The following RIMS1 variants were observed in gnomAD, a reference collection of about 807,000 sequenced individuals.
RIMS1 encodes the protein regulating synaptic membrane exocytosis 1.
In RIMS1, 83 loss-of-function variants were observed where a neutral mutation model predicts 214.1. That is an observed-to-expected ratio of 0.39 (90% CI 0.32 to 0.47). RIMS1 has a LOEUF of 0.47. Ranked by LOEUF, RIMS1 falls within the 20% of genes least tolerant of loss-of-function variation. The pLI is 0.99. For synonymous variants in RIMS1, 793 were observed against 786.8 expected, an observed-to-expected ratio of 1.01 and a Z score of -0.13; for missense variants, 2,050 against 2,161.8, an observed-to-expected ratio of 0.95 and a Z score of 1.03.
chr6:72,141,072 A>G (rs1311432655), intron 4 of RIMS1, among the ~76,000 whole-genome samples: 2 of 152,018 alleles, frequency 1.3e-5, no homozygotes, highest in Non-Finnish European at 2.9e-5. Context: ...ATGACTTCCA[A>G]TATTTCCAAC....
intron 2 of RIMS1, among the ~76,000 whole-genome samples, chr6:72,016,795 CAA>C (rs1812905773): frequency 6.6e-6 from 1 of 152,008 alleles, no homozygotes; most frequent in Non-Finnish European, 1.5e-5. Context: ...TATGTGAACA[CAA>C]AGTAGATGAT....
At chr6:71,968,398 C>T (rs118114857) in intron 1 of RIMS1, among the ~76,000 whole-genome samples, 399 of 151,634 alleles carry the variant, frequency 2.6e-3, no homozygotes, top group Non-Finnish European at 4.5e-3. Context: ...TTGGAGGTAT[C>T]TTTTCTTCTT....
At chr6:71,941,342 T>A (rs997752531) in intron 1 of RIMS1, among the ~76,000 whole-genome samples, 2 of 152,222 alleles carry the variant, frequency 1.3e-5, no homozygotes, top group Non-Finnish European at 2.9e-5. Flanking sequence ...TTGCTAGTTA[T>A]ACACATTTGT....
chr6:72,261,955 C>T, intron 19 of RIMS1: 8 of 984,342 alleles, frequency 8.1e-6, no homozygotes, highest in Non-Finnish European at 8.4e-6. Context: ...ATTACTTGTT[C>T]TTGACAAACA....
intron 4 of RIMS1, among the ~76,000 whole-genome samples, chr6:72,166,025 A>C (rs937067227): frequency 6.6e-6 from 1 of 152,168 alleles, no homozygotes; most frequent in African/African-American, 2.4e-5. Context: ...GGGTAGCTTA[A>C]ATAACGTAAA....
chr6:72,202,321 C>T (rs1589042408), intron 6 of RIMS1, among the ~76,000 whole-genome samples: 1 of 152,206 alleles, frequency 6.6e-6, no homozygotes, highest in East Asian at 1.9e-4. Flanking sequence ...AGGGTTGGTT[C>T]CTTTGGAGGA....
At chr6:72,079,134 TA>T (rs1439657385) in intron 2 of RIMS1, among the ~76,000 whole-genome samples, 4 of 152,152 alleles carry the variant, frequency 2.6e-5, no homozygotes, top group African/African-American at 9.7e-5. Flanking sequence ...GTACATGGAC[TA>T]AAAAGGTATG....
chr6:72,178,523 C>A (rs1388583097), intron 4 of RIMS1, among the ~76,000 whole-genome samples: 1 of 151,996 alleles, frequency 6.6e-6, no homozygotes, highest in Non-Finnish European at 1.5e-5. Context: ...AAAAGGAAGC[C>A]TAGAGTTTGG....
intron 1 of RIMS1, among the ~76,000 whole-genome samples, chr6:71,954,871 C>CACA (rs1554153800): frequency 1.4e-5 from 2 of 147,308 alleles, no homozygotes; most frequent in African/African-American, 5.0e-5. Context: ...CACACACACT[C>CACA]CACACACACA....
rs1334799674 is a variant in RIMS1 at position 72,196,377 on chromosome 6, G to GTTTGTCTGTCTATCTA, written c.1678+13229_1678+13230insTTGTCTGTCTATCTAT. On this transcript the variant is annotated intron_variant, in intron 6 of 33. Coordinates refer to ENST00000521978, the MANE Select transcript of RIMS1 (RefSeq NM_014989.7). ...TGTCTGTCTGTCTGTCTGTCTGTCT[G>GTTTGTCTGTCTATCTA]TCTATCTATCTATCTATCTATCTAT... Among the ~76,000 whole-genome samples, 65 of 144,084 alleles carry GTTTGTCTGTCTATCTA rather than the reference G, an allele frequency of 4.5e-4. 1 individual carries two copies. Among genetic ancestry groups the GTTTGTCTGTCTATCTA allele is most frequent in the Non-Finnish European group, 6.2e-4 (41 of 66,476 alleles). 94.5% of individuals were successfully genotyped at this position (144,084 alleles called of 152,430 possible). A position where few individuals can be genotyped will look rare whatever the true frequency, so the allele number is the denominator to read the frequency against.
At chr6:72,213,029 A>G in intron 6 of RIMS1, 1 of 1,517,576 alleles carries the variant, frequency 6.6e-7, no homozygotes, top group Non-Finnish European at 8.8e-7. Flanking sequence ...GAGGCGCTTC[A>G]CACTCTTCTT....
chr6:72,344,371 T>G (rs529729256), intron 29 of RIMS1, among the ~76,000 whole-genome samples: 1 of 151,916 alleles, frequency 6.6e-6, no homozygotes, highest in South Asian at 2.1e-4. Context: ...GCTAAGGTGG[T>G]GTCTTTGAAC....
At chr6:72,271,837 G>A (rs1294796273) in intron 22 of RIMS1, among the ~76,000 whole-genome samples, 1 of 152,048 alleles carries the variant, frequency 6.6e-6, no homozygotes, top group Non-Finnish European at 1.5e-5. Context: ...TCTGTGCTAT[G>A]CATAATGGAT....
chr6:72,135,572 G>A (rs1587844017), intron 4 of RIMS1, among the ~76,000 whole-genome samples: 1 of 152,134 alleles, frequency 6.6e-6, no homozygotes, highest in Non-Finnish European at 1.5e-5. Context: ...AATGTTTAGT[G>A]TGGGTGTCAG....
intron 1 of RIMS1, among the ~76,000 whole-genome samples, chr6:71,905,998 C>T (rs1314289194): frequency 6.6e-6 from 1 of 152,132 alleles, no homozygotes; most frequent in Non-Finnish European, 1.5e-5. Context: ...CCCTGTCCTC[C>T]TTATGCCTGT....
chr6:72,108,282 G>A (rs922174714), intron 4 of RIMS1, among the ~76,000 whole-genome samples: 3 of 152,020 alleles, frequency 2.0e-5, no homozygotes, highest in Admixed American at 2.0e-4. Flanking sequence ...GGAGACTGGG[G>A]TTTTACCATG....
intron 2 of RIMS1, among the ~76,000 whole-genome samples, chr6:72,047,850 C>A (rs2152119612): frequency 6.6e-6 from 1 of 152,294 alleles, no homozygotes; most frequent in South Asian, 2.1e-4. Context: ...TTGGATACTG[C>A]TTGGGACTAT....
intron 6 of RIMS1, among the ~76,000 whole-genome samples, chr6:72,193,231 G>A (rs1281194647): frequency 6.6e-6 from 1 of 152,138 alleles, no homozygotes. Flanking sequence ...CCCTCCTTGG[G>A]AATTTATCAT....
intron 2 of RIMS1, among the ~76,000 whole-genome samples, chr6:72,003,825 G>A (rs939253409): frequency 1.3e-5 from 2 of 151,630 alleles, no homozygotes; most frequent in African/African-American, 4.8e-5. Flanking sequence ...TTTGAGGAAT[G>A]AGGCTAAAGA....
Sources: allele counts gnomAD v4.1 joint callset (sites outside exome capture counted in the v4.1 genomes callset), GRCh38; gene constraint gnomAD v4.1.1; transcripts MANE v1.5; gene names NCBI Gene and HGNC (gene_info 2026-07-23, HGNC 2026-07-21).